The following KCNQ2 variants were observed in gnomAD, a reference collection of about 807,000 sequenced individuals.
KCNQ2 encodes potassium voltage-gated channel subfamily KQT member 2.
KCNQ2 carries 14 observed loss-of-function variants against 84.8 expected under a neutral mutation model. That is an observed-to-expected ratio of 0.17 (90% CI 0.11 to 0.26). The LOEUF (loss-of-function observed/expected upper bound fraction) is 0.26, where lower values mean the gene tolerates loss of function less well. Among genes scored for constraint, KCNQ2 ranks in the 10% least tolerant of loss-of-function variants. The pLI is 1.00. For synonymous variants in KCNQ2, 599 were observed against 554.1 expected (o/e 1.08, Z -1.14); for missense variants, 788 against 1,254.0 (o/e 0.63, Z 5.61).
At chr20:63,416,905 C>T (rs896463722) in intron 12 of KCNQ2, among the ~76,000 whole-genome samples, 1 of 151,560 alleles carries the variant, frequency 6.6e-6, no homozygotes, top group Middle Eastern at 3.2e-3. Context: ...CCATCTGTGC[C>T]CACTCAGCAG....
At chr20:63,430,107 C>T (rs920157700) in intron 9 of KCNQ2, among the ~76,000 whole-genome samples, 1 of 152,336 alleles carries the variant, frequency 6.6e-6, no homozygotes, top group Admixed American at 6.5e-5. Flanking sequence ...GAGACACACA[C>T]GTCAGCCCTC....
chr20:63,472,442 C>T lies in KCNQ2; in HGVS notation c.22G>A (p.Gly8Ser), dbSNP rs769045070. 3.3e-6 allele frequency: 5 copies of T among 1,532,836 alleles called. No individual in the cohort carries two copies. In the East Asian group the frequency reaches 1.3e-4, roughly 39 times the overall value. The allele number at this position is 1,532,836 out of a possible 1,614,324, so 95.0% of individuals were successfully genotyped here. A position where few individuals can be genotyped will look rare whatever the true frequency, so the allele number is the denominator to read the frequency against. The part of the protein sequence containing the change: MVQKSRN[G>S]GVYPGPSGEK... Reference sequence around the variant, plus strand: ...CCGCTCGGGCCGGGGTATACGCCGCCGTTGCGCGACTTCTGCACCATGGTG... The same window carrying T: ...CCGCTCGGGCCGGGGTATACGCCGCTGTTGCGCGACTTCTGCACCATGGTG... Residue 8 changes from glycine (G) to serine (S), a missense_variant, in exon 1 of 17, where the codon GGC becomes AGC. Physicochemically the swap from Gly to Ser is moderately conservative, Grantham distance 56. Around this residue, in one of 8 missense-constraint regions of KCNQ2, gnomAD observed 41 missense variants for 41.2 expected, o/e 0.99. Transcript: ENST00000359125.
In KCNQ2 at chr20:63,414,462, C is replaced by T. The variant is rs2080223568; in HGVS notation, c.1526-269G>A. ...TGGCCAATGGATGAACAGAACATGG[C>T]GCATCCACGCACAGATGTTAACGGC... On this transcript the variant is annotated intron_variant, in intron 13 of 16. Coordinates refer to ENST00000359125, the MANE Select transcript of KCNQ2 (RefSeq NM_172107.4). The surrounding 1 kb of genome is among the most constrained non-coding windows in gnomAD (Gnocchi z 6.6). 6.6e-6 allele frequency among the ~76,000 whole-genome samples: 1 copy of T among 152,092 alleles called. No homozygotes were observed. Among genetic ancestry groups the T allele is most frequent in the Non-Finnish European group, 1.5e-5 (1 of 68,020 alleles).
At chr20:63,442,141 G>A (rs2081178517) in intron 5 of KCNQ2, among the ~76,000 whole-genome samples, 2 of 151,872 alleles carry the variant, frequency 1.3e-5, no homozygotes, top group South Asian at 2.1e-4. Flanking sequence ...GAAGGAAGAT[G>A]CCCACCACGG....
rs753339280 is a variant in KCNQ2, at chr20:63,406,072, T to C, written c.*572A>G. ...GAAGACGCCAACCAATAGCTCTGTA[T>C]TTGGGCGCCCCTGAGGTGGGGAACA... On this transcript the variant is annotated 3_prime_UTR_variant, in exon 17 of 17. Transcript: ENST00000359125. 8 of 153,466 alleles carry C rather than the reference T, an allele frequency of 5.2e-5. No individual in the cohort carries two copies. Among genetic ancestry groups the C allele is most frequent in the Non-Finnish European group, 8.7e-5 (6 of 68,928 alleles). 9.5% of individuals were successfully genotyped at this position (153,466 alleles called of 1,614,324 possible).
intron 4 of KCNQ2, among the ~76,000 whole-genome samples, chr20:63,443,451 TCACCATCAC>T (rs1568937934): frequency 1.1e-3 from 25 of 23,534 alleles, no homozygotes; most frequent in African/African-American, 2.9e-3. Flanking sequence ...ACCACCACCA[TCACCATCAC>T]CACCATCACC....
At chr20:63,456,129 C>T (rs1354348190) in intron 1 of KCNQ2, among the ~76,000 whole-genome samples, 1 of 141,608 alleles carries the variant, frequency 7.1e-6, no homozygotes, top group African/African-American at 2.7e-5. Context: ...CCGGGAGGCC[C>T]CTCTGCCCAC....
At chr20:63,450,535 G>A (rs1373555749) in intron 1 of KCNQ2, among the ~76,000 whole-genome samples, 18 of 43,182 alleles carry the variant, frequency 4.2e-4, no homozygotes, top group Admixed American at 9.4e-4. Flanking sequence ...GACCTGCTGG[G>A]GGGTGGGGGA....
At chr20:63,448,673 C>A (rs1442184213) in intron 1 of KCNQ2, 2 of 152,352 alleles carry the variant, frequency 1.3e-5, no homozygotes, top group East Asian at 3.8e-4. Context: ...TGTCCCCGCT[C>A]CCCTCTCCCC....
intron 10 of KCNQ2, among the ~76,000 whole-genome samples, chr20:63,426,321 G>A (rs2080634726): frequency 6.6e-6 from 1 of 152,338 alleles, no homozygotes; most frequent in African/African-American, 2.4e-5. Flanking sequence ...GGTGGAGGCT[G>A]CAGCCGCACA....
chr20:63,433,992 G>T, intron 7 of KCNQ2, 89 bp from the exon 8 acceptor site: 1 of 1,157,464 alleles, frequency 8.6e-7, no homozygotes, highest in South Asian at 1.3e-5. Context: ...CGGGGCAGAG[G>T]GGACCCCCAT....
Position 63,460,940 on chromosome 20 carries a change from C to T in KCNQ2, c.296+11228G>A, listed in dbSNP as rs2081931546. On this transcript the variant is annotated intron_variant, in intron 1 of 16. Transcript: ENST00000359125. The surrounding 1 kb of genome is among the most constrained non-coding windows in gnomAD (Gnocchi z 5.4). Reference sequence around the variant, plus strand: ...CAAGCCAACTACCTGGCACGCGAGACTCATCTTGCCCATGAGAAGTGTGGA... The same window carrying T: ...CAAGCCAACTACCTGGCACGCGAGATTCATCTTGCCCATGAGAAGTGTGGA... 1 of 152,292 alleles carries T rather than the reference C, an allele frequency of 6.6e-6. No individual in the cohort carries two copies. 9.4% of individuals were successfully genotyped at this position (152,292 alleles called of 1,614,324 possible).
Position 63,442,395 on chromosome 20 carries a change from C to A in KCNQ2, c.816+11G>T. On this transcript the variant is annotated intron_variant, in intron 5 of 16. Coordinates refer to ENST00000359125, the MANE Select transcript of KCNQ2 (RefSeq NM_172107.4). ...GCAGGGAAAGGGAAAACCACAATGA[C>A]CACAACTCACCAGGCCCCACCAGAG... 5 of 1,613,828 alleles carry A rather than the reference C, an allele frequency of 3.1e-6. No homozygotes were observed. Among genetic ancestry groups the A allele is most frequent in the South Asian group, 1.1e-5 (1 of 91,084 alleles).
At chr20:63,430,204 G>C (rs1259849820) in intron 9 of KCNQ2, among the ~76,000 whole-genome samples, 1 of 152,186 alleles carries the variant, frequency 6.6e-6, no homozygotes, top group Non-Finnish European at 1.5e-5. Context: ...GCAGGACGGA[G>C]CTGTGGGACG....
chr20:63,415,738 C>A (rs1385197313), intron 12 of KCNQ2, among the ~76,000 whole-genome samples: 2 of 152,198 alleles, frequency 1.3e-5, no homozygotes, highest in Admixed American at 6.5e-5. Flanking sequence ...ACACTCAGGG[C>A]AACGGGCATC....
intron 1 of KCNQ2, chr20:63,471,046 T>A (rs1007961313): frequency 6.6e-6 from 1 of 152,266 alleles, no homozygotes; most frequent in African/African-American, 2.4e-5. Context: ...ACGGAGGGTC[T>A]GCTAAGGGCA....
intron 11 of KCNQ2, among the ~76,000 whole-genome samples, chr20:63,423,269 C>T (rs979784132): frequency 1.3e-5 from 2 of 152,154 alleles, no homozygotes; most frequent in Non-Finnish European, 2.9e-5. Flanking sequence ...TCCATCTCCC[C>T]GCACCCAAGC....
At chr20:63,423,157 G>A (rs527283120) in intron 11 of KCNQ2, among the ~76,000 whole-genome samples, 1 of 152,200 alleles carries the variant, frequency 6.6e-6, no homozygotes, top group South Asian at 2.1e-4. Context: ...TTCTTGGTTG[G>A]TGTGGGCCGG....
intron 1 of KCNQ2, among the ~76,000 whole-genome samples, chr20:63,456,320 A>C (rs1326724483): frequency 6.6e-6 from 1 of 152,194 alleles, no homozygotes; most frequent in Non-Finnish European, 1.5e-5. Context: ...CACTTGGGGA[A>C]GAGGACTCGA....
Sources: allele counts gnomAD v4.1 joint callset (sites outside exome capture counted in the v4.1 genomes callset), GRCh38; gene constraint gnomAD v4.1.1; regional missense constraint gnomAD v4.1.1; non-coding constraint Gnocchi (gnomAD v3.1); transcripts MANE v1.5; gene names NCBI Gene and HGNC (gene_info 2026-07-23, HGNC 2026-07-21).